The following CPNE1 variants were observed in gnomAD, a reference collection of about 807,000 sequenced individuals.
CPNE1 encodes the protein copine 1.
A neutral mutation model predicts 63.2 loss-of-function variants in CPNE1; 58 were observed. The ratio of observed to expected loss-of-function variants is 0.92; its 90% CI spans 0.74 to 1.14. The LOEUF (loss-of-function observed/expected upper bound fraction) is 1.14. CPNE1 is among the 50% of genes most tolerant of loss of function. The probability of loss-of-function intolerance (pLI) is 0.00; values close to 1 mark genes in which losing one functional copy is unlikely to be tolerated. For missense variants in CPNE1, 672 were observed against 661.7 expected (o/e 1.02, Z -0.17); for synonymous variants, 237 against 249.0 (o/e 0.95, Z 0.45).
chr20:35,643,655 A>G (rs1446918216), intron 1 of CPNE1, among the ~76,000 whole-genome samples: 1 of 152,132 alleles, frequency 6.6e-6, no homozygotes, highest in Non-Finnish European at 1.5e-5. Flanking sequence ...AGGCAGGAGA[A>G]TTGCTTGAAC....
chr20:35,633,142 G>C (rs2032277864), intron 1 of CPNE1, among the ~76,000 whole-genome samples: 1 of 152,090 alleles, frequency 6.6e-6, no homozygotes, highest in Non-Finnish European at 1.5e-5. Context: ...ACCAACCCTG[G>C]TCTGAAGATA....
intron 1 of CPNE1, 90 bp from the exon 2 acceptor site, chr20:35,633,013 C>A (rs544047741): frequency 2.5e-6 from 2 of 804,236 alleles, no homozygotes; most frequent in South Asian, 3.0e-5. Context: ...CAGCAGGCAT[C>A]ACCCAGGCAG....
intron 1 of CPNE1, chr20:35,654,797 G>A (rs763463050): frequency 1.2e-6 from 2 of 1,614,192 alleles, no homozygotes; most frequent in South Asian, 1.1e-5. Flanking sequence ...GCTGTGCTTG[G>A]AACAGTTGAG....
intron 1 of CPNE1, chr20:35,652,471 T>C (rs1601467203): frequency 6.5e-7 from 1 of 1,530,030 alleles, no homozygotes; most frequent in East Asian, 2.3e-5. Context: ...ACAATCTGGA[T>C]GCATTAATCA....
rs551112701 is a variant in CPNE1 at position 35,639,338 on chromosome 20, A to T, written c.1-6415T>A. On this transcript the variant is annotated intron_variant, in intron 1 of 15. Transcript: ENST00000397443. ...AATTTTCATAATAAAATGTTGGGGA[A>T]ACTATTATTTTTTTTTTAGACAGAG... is the stretch of plus-strand genomic sequence containing the variant. Among the ~76,000 whole-genome samples, 7 of 152,184 alleles carry T rather than the reference A, an allele frequency of 4.6e-5. No individual in the cohort carries two copies. In the East Asian group the frequency reaches 1.2e-3, roughly 25 times the overall value.
chr20:35,631,236 CAG>C (rs757356035), intron 9 of CPNE1, 30 bp downstream of exon 9: 3 of 1,613,826 alleles, frequency 1.9e-6, no homozygotes, highest in Non-Finnish European at 2.5e-6. Context: ...GCTCAGGAAT[CAG>C]AGCCTTGGTT....
At chr20:35,643,469 A>C (rs1033760920) in intron 1 of CPNE1, 1 of 152,268 alleles carries the variant, frequency 6.6e-6, no homozygotes, top group Admixed American at 6.5e-5. Context: ...AAATAAGTTC[A>C]GGCAGGGTGC....
chr20:35,641,496 T>C (rs1276293013), intron 1 of CPNE1, among the ~76,000 whole-genome samples: 5 of 152,338 alleles, frequency 3.3e-5, no homozygotes, highest in African/African-American at 1.2e-4. Context: ...TCTATATAAC[T>C]TGGGCAAATA....
chr20:35,634,269 A>G (rs1304118042), intron 1 of CPNE1, among the ~76,000 whole-genome samples: 1 of 151,014 alleles, frequency 6.6e-6, no homozygotes, highest in Admixed American at 6.6e-5. Flanking sequence ...ACAAAAAAAA[A>G]AAAAAAAAAG....
chr20:35,663,398 T>TA (rs981772270), intron 1 of CPNE1, among the ~76,000 whole-genome samples: 1 of 152,178 alleles, frequency 6.6e-6, no homozygotes, highest in Non-Finnish European at 1.5e-5. Flanking sequence ...TTGCAAAAAT[T>TA]ACACCATTTC....
At chr20:35,638,346 A>G (rs765229148) in intron 1 of CPNE1, among the ~76,000 whole-genome samples, 1 of 152,236 alleles carries the variant, frequency 6.6e-6, no homozygotes, top group Admixed American at 6.5e-5. Context: ...AAAATGGGCA[A>G]AAGATTTGAT....
At chr20:35,658,840 AT>A in intron 1 of CPNE1, 1 of 649,428 alleles carries the variant, frequency 1.5e-6, no homozygotes, top group Non-Finnish European at 2.8e-6. Flanking sequence ...CACACACACA[AT>A]ATAGTTGCTA....
Position 35,636,615 on chromosome 20 carries a change from G to A in CPNE1, c.1-3692C>T, listed in dbSNP as rs138918114. On this transcript the variant is annotated intron_variant, in intron 1 of 15. Coordinates refer to ENST00000397443, the MANE Select transcript of CPNE1 (RefSeq NM_152925.3). ...AGTTCAAGACCAGCGTGGCCAACGTGGTGAAACCCAGTCTCTACCAAAAAT... is the reference window on the plus strand; with the variant it reads ...AGTTCAAGACCAGCGTGGCCAACGTAGTGAAACCCAGTCTCTACCAAAAAT... Among the ~76,000 whole-genome samples the A allele has an allele frequency of 8.0e-4, 122 of 152,226 alleles. 2 individuals are homozygous for A. The highest frequency in any genetic ancestry group is 2.5e-3 in the African/African-American group (104 of 41,518).
intron 1 of CPNE1, 97 bp from the exon 2 acceptor site, chr20:35,633,020 G>T (rs1026388806): frequency 1.3e-6 from 1 of 782,178 alleles, no homozygotes; most frequent in East Asian, 2.5e-5. Flanking sequence ...CATCACCCAG[G>T]CAGGGCTGAG....
At position 35,634,310 on chromosome 20, in the gene CPNE1, T is replaced by G. The variant is rs140617058; in HGVS notation, c.1-1387A>C. ...TCATATCACGCCTCTGCCTGAACCC[T>G]CTAGTACTTCCCATTTCCTACTGAG... On this transcript the variant is annotated intron_variant, in intron 1 of 15. Transcript: ENST00000397443. 1.8e-3 allele frequency among the ~76,000 whole-genome samples: 261 copies of G among 146,648 alleles called. 2 individuals carry two copies. Among genetic ancestry groups the G allele is most frequent in the African/African-American group, 6.2e-3 (244 of 39,410 alleles).
At position 35,631,718 on chromosome 20, in the gene CPNE1, G is replaced by A. The variant is rs6121007; in HGVS notation, c.597C>T (p.Phe199=). The change falls in exon 7 of 16, where the codon TTC becomes TTT. Residue 199 remains phenylalanine (F), a synonymous_variant. Coordinates refer to ENST00000397443, the MANE Select transcript of CPNE1 (RefSeq NM_152925.3). ...WKRFSVPVQH[F]CGGNPSTPIQ... Reference sequence around the variant, plus strand: ...TGGGTGTGCTGGGGTTCCCACCACAGAAATGCTGAACGGGGACTGAGAAAC... The same window carrying A: ...TGGGTGTGCTGGGGTTCCCACCACAAAAATGCTGAACGGGGACTGAGAAAC... 1 of 1,614,114 alleles carries A rather than the reference G, an allele frequency of 6.2e-7. No individual in the cohort carries two copies. Among genetic ancestry groups the A allele is most frequent in the Non-Finnish European group, 8.5e-7 (1 of 1,179,996 alleles).
At position 35,654,624 on chromosome 20, in the gene CPNE1, T is replaced by C. The variant is rs749007048; in HGVS notation, c.-1+10136A>G. On this transcript the variant is annotated intron_variant, in intron 1 of 15. Transcript: ENST00000397443. ...ACATGGGTGGCAGTGGGGTCATGGG[T>C]GGCACAGAAGGAACTGGGGGAATCG... 2.5e-6 allele frequency: 4 copies of C among 1,613,612 alleles called. No individual in the cohort carries two copies. In the African/African-American group the frequency reaches 5.4e-5, roughly 22 times the overall value.
At chr20:35,663,376 T>G (rs2034343148) in intron 1 of CPNE1, among the ~76,000 whole-genome samples, 1 of 152,242 alleles carries the variant, frequency 6.6e-6, no homozygotes, top group Non-Finnish European at 1.5e-5. Flanking sequence ...TTCTTGTTGC[T>G]AAGACTGCAT....
chr20:35,654,994 C>T (rs1433282427), intron 1 of CPNE1: 3 of 1,614,172 alleles, frequency 1.9e-6, no homozygotes, highest in Non-Finnish European at 2.5e-6. Flanking sequence ...CATTCCTGAG[C>T]TAGGTGGTGG....
Sources: gnomAD v4.1 joint callset for allele counts (sites outside exome capture counted in the v4.1 genomes callset) on GRCh38, gnomAD v4.1.1 for gene constraint, MANE v1.5 for transcripts, NCBI Gene and HGNC (gene_info 2026-07-23, HGNC 2026-07-21) for gene names.